SH3BGRL2: variants seen among roughly 807,000 people sequenced by gnomAD.
SH3BGRL2 encodes the protein SH3 domain-binding glutamic acid-rich-like protein 2.
A neutral mutation model predicts 14.8 loss-of-function variants in SH3BGRL2; 21 were observed. That is an observed-to-expected ratio of 1.42 (90% CI 1.01 to 2.05). The LOEUF is 2.05. SH3BGRL2 is among the 30% of genes most tolerant of loss of function. The probability of loss-of-function intolerance (pLI) is 0.00; values close to 1 mark genes in which losing one functional copy is unlikely to be tolerated. For synonymous variants in SH3BGRL2, 50 were observed against 47.8 expected (o/e 1.05, Z -0.19); for missense variants, 147 against 130.8 (o/e 1.12, Z -0.61).
At chr6:79,623,289 G>A in the SH3BGRL2 span, among the ~76,000 whole-genome samples, 1 of 132,440 alleles carries the variant, frequency 7.6e-6, no homozygotes, top group Non-Finnish European at 1.6e-5. Context: ...GCGATACAGT[G>A]AGACTCTGCC....
intron 2 of SH3BGRL2, among the ~76,000 whole-genome samples, chr6:79,688,875 GAA>G (rs1275762733): frequency 6.6e-6 from 1 of 151,890 alleles, no homozygotes; most frequent in Non-Finnish European, 1.5e-5. Context: ...ACATGACAAA[GAA>G]AATATTAATA....
chr6:79,615,977 T>C, the SH3BGRL2 span, among the ~76,000 whole-genome samples: 117,214 of 151,748 alleles, frequency 0.77, 45,579 homozygotes, highest in East Asian at 0.98. Context: ...CCACCATGCC[T>C]AGCTGATTTT....
chr6:79,637,779 A>G (rs999718773), intron 1 of SH3BGRL2, among the ~76,000 whole-genome samples: 3 of 152,094 alleles, frequency 2.0e-5, no homozygotes, highest in African/African-American at 7.2e-5. Flanking sequence ...GAGTGCAGAG[A>G]TTGGTGGTGT....
the SH3BGRL2 span, among the ~76,000 whole-genome samples, chr6:79,605,113 A>C: frequency 2.4e-3 from 370 of 152,328 alleles, 1 homozygote; most frequent in Non-Finnish European, 4.4e-3. Context: ...CTTCTGCTTA[A>C]AGTTTTTAAA....
chr6:79,667,667 G>A (rs1450388612), intron 1 of SH3BGRL2, among the ~76,000 whole-genome samples: 1 of 151,944 alleles, frequency 6.6e-6, no homozygotes, highest in African/African-American at 2.4e-5. Flanking sequence ...GGCTGGTCTC[G>A]AACTCCTGAC....
At chr6:79,683,289 A>G (rs1030073700) in intron 2 of SH3BGRL2, among the ~76,000 whole-genome samples, 13 of 152,174 alleles carry the variant, frequency 8.5e-5, no homozygotes, top group African/African-American at 2.9e-4. Context: ...TTTCACATTT[A>G]TGGGACCTGC....
chr6:79,612,131 A>G, the SH3BGRL2 span, among the ~76,000 whole-genome samples: 88 of 152,132 alleles, frequency 5.8e-4, no homozygotes, highest in Non-Finnish European at 9.7e-4. Flanking sequence ...CCTTGTCTCT[A>G]GTAAAAATAC....
intron 2 of SH3BGRL2, among the ~76,000 whole-genome samples, chr6:79,683,633 G>A (rs1474626817): frequency 6.6e-6 from 1 of 152,082 alleles, no homozygotes; most frequent in Non-Finnish European, 1.5e-5. Context: ...ATATTTAGTA[G>A]AGACGGGGTT....
At chr6:79,580,403 C>T in the SH3BGRL2 span, among the ~76,000 whole-genome samples, 1 of 152,164 alleles carries the variant, frequency 6.6e-6, no homozygotes, top group African/African-American at 2.4e-5. Context: ...TAAAGCACTC[C>T]TCAGCAAATG....
the SH3BGRL2 span, among the ~76,000 whole-genome samples, chr6:79,611,468 G>A: frequency 2.0e-5 from 3 of 147,084 alleles, no homozygotes; most frequent in South Asian, 2.1e-4. Flanking sequence ...GTGCAATGGC[G>A]CAATCTCAGC....
intron 1 of SH3BGRL2, among the ~76,000 whole-genome samples, chr6:79,662,285 A>G (rs887661128): frequency 3.3e-5 from 5 of 152,256 alleles, no homozygotes; most frequent in South Asian, 4.1e-4. Flanking sequence ...GGCTGGTACC[A>G]GTTGTTCCTT....
intron 2 of SH3BGRL2, among the ~76,000 whole-genome samples, chr6:79,685,483 G>T (rs1770073134): frequency 6.6e-6 from 1 of 151,848 alleles, no homozygotes; most frequent in African/African-American, 2.4e-5. Context: ...CTAAGTTCTT[G>T]CCATTCATGT....
the SH3BGRL2 span, among the ~76,000 whole-genome samples, chr6:79,538,018 GTTTTTTTTTTTTTTTTTTTTT>G: frequency 1.1e-4 from 5 of 44,146 alleles, no homozygotes; most frequent in African/African-American, 2.3e-4. Flanking sequence ...TTGCACACAA[GTTTTTTTTTTTTTTTTTTTTT>G]TTTTTTTTTT....
chr6:79,693,317 A>T (rs1408770583), intron 2 of SH3BGRL2, among the ~76,000 whole-genome samples: 1 of 151,638 alleles, frequency 6.6e-6, no homozygotes, highest in Non-Finnish European at 1.5e-5. Context: ...GGACAATTTG[A>T]CTTCCTCTTT....
the SH3BGRL2 span, among the ~76,000 whole-genome samples, chr6:79,545,618 C>T: frequency 7.8e-3 from 1,187 of 152,260 alleles, 13 homozygotes; most frequent in South Asian, 0.013. Flanking sequence ...CCTCTCACTA[C>T]ATGTATATAA....
chr6:79,646,147 T>C (rs1460963956), intron 1 of SH3BGRL2, among the ~76,000 whole-genome samples: 1 of 152,178 alleles, frequency 6.6e-6, no homozygotes, highest in East Asian at 1.9e-4. Context: ...ACCAAAAATG[T>C]CTCCAGACAT....
At chr6:79,578,172 C>A in the SH3BGRL2 span, among the ~76,000 whole-genome samples, 2 of 152,280 alleles carry the variant, frequency 1.3e-5, no homozygotes, top group African/African-American at 4.8e-5. Context: ...TGCCTCTAGA[C>A]TGCACCTCTG....
chr6:79,697,835 G>A (rs1011371922), intron 3 of SH3BGRL2, among the ~76,000 whole-genome samples: 6 of 152,112 alleles, frequency 3.9e-5, no homozygotes, highest in African/African-American at 1.4e-4. Flanking sequence ...GTAGTCTAAT[G>A]GATACATAAA....
the SH3BGRL2 span, among the ~76,000 whole-genome samples, chr6:79,592,610 A>G: frequency 6.6e-6 from 1 of 152,192 alleles, no homozygotes; most frequent in African/African-American, 2.4e-5. Context: ...CAAAAAGTCA[A>G]GATAAAAATG....
Sources: allele counts gnomAD v4.1 joint callset (sites outside exome capture counted in the v4.1 genomes callset), GRCh38; gene constraint gnomAD v4.1.1; transcripts MANE v1.5; gene names NCBI Gene and HGNC (gene_info 2026-07-23, HGNC 2026-07-21).